Variants in PPIL1 observed in about 807,000 individuals in gnomAD.
PPIL1 encodes the protein peptidylprolyl isomerase like 1.
Under a neutral mutation model 19.4 loss-of-function variants are expected in PPIL1, and 14 were observed. The ratio of observed to expected loss-of-function variants is 0.72; its 90% CI spans 0.48 to 1.13. The LOEUF is 1.13. PPIL1 is among the 50% of genes most tolerant of loss of function. The pLI, the probability that PPIL1 is intolerant of heterozygous loss-of-function variation, is 0.00. For missense variants in PPIL1, 192 were observed against 218.0 expected (o/e 0.88, Z 0.75); for synonymous variants, 72 against 73.6 (o/e 0.98, Z 0.11).
chr6:36,859,424 CAAAAAAA>C (rs36097489), intron 2 of PPIL1, among the ~76,000 whole-genome samples: 2 of 73,206 alleles, frequency 2.7e-5, no homozygotes, highest in African/African-American at 5.7e-5. Context: ...GACCCTGTCT[CAAAAAAA>C]AAAAAAAAAA....
intron 2 of PPIL1, among the ~76,000 whole-genome samples, chr6:36,861,078 G>A (rs765408518): frequency 6.6e-6 from 1 of 151,732 alleles, no homozygotes; most frequent in Admixed American, 6.6e-5. Flanking sequence ...TACTGTCTCC[G>A]AAATCCAAGT....
intron 2 of PPIL1, among the ~76,000 whole-genome samples, chr6:36,870,744 C>T (rs1774492218): frequency 6.6e-6 from 1 of 152,086 alleles, no homozygotes; most frequent in African/African-American, 2.4e-5. Context: ...CCTCAGCCTC[C>T]CGACTAAGAA....
chr6:36,862,835 T>C (rs1261303478), intron 2 of PPIL1, among the ~76,000 whole-genome samples: 1 of 152,232 alleles, frequency 6.6e-6, no homozygotes, highest in Non-Finnish European at 1.5e-5. Flanking sequence ...ACTTTGTTAA[T>C]ATACCAGACG....
In PPIL1 at chr6:36,865,746, C is replaced by G. The variant is rs115217214; in HGVS notation, c.211+5972G>C. ...CATACATTTGCATATTTATATTATCCCATTCTAGTTGTTTCTTATAATGAA... is the reference window on the plus strand; with the variant it reads ...CATACATTTGCATATTTATATTATCGCATTCTAGTTGTTTCTTATAATGAA... On this transcript the variant is annotated intron_variant, in intron 2 of 3. Coordinates refer to ENST00000373699, the MANE Select transcript of PPIL1 (RefSeq NM_016059.5). Among the ~76,000 whole-genome samples the G allele has an allele frequency of 4.2e-3, 632 of 152,220 alleles. 7 individuals carry two copies. Among genetic ancestry groups the G allele is most frequent in the African/African-American group, 0.014 (599 of 41,518 alleles).
At chr6:36,862,624 A>C (rs1397174180) in intron 2 of PPIL1, among the ~76,000 whole-genome samples, 1 of 152,202 alleles carries the variant, frequency 6.6e-6, no homozygotes, top group Non-Finnish European at 1.5e-5. Context: ...TAAGACTAAC[A>C]AGTTCAAGAC....
chr6:36,871,582 T>C, intron 2 of PPIL1, 136 bp downstream of exon 2: 1 of 1,084,590 alleles, frequency 9.2e-7, no homozygotes, highest in East Asian at 2.7e-5. Flanking sequence ...CAGACCTTAG[T>C]AAGTGGAAAA....
intron 2 of PPIL1, among the ~76,000 whole-genome samples, chr6:36,862,840 C>G (rs546741598): frequency 5.9e-4 from 90 of 152,298 alleles, no homozygotes; most frequent in African/African-American, 2.1e-3. Context: ...GTTAATATAC[C>G]AGACGGGAAC....
chr6:36,856,324 T>C (rs896849850), intron 3 of PPIL1, among the ~76,000 whole-genome samples: 1 of 152,256 alleles, frequency 6.6e-6, no homozygotes, highest in Non-Finnish European at 1.5e-5. Context: ...CAAGGTTTCC[T>C]GTTTCTTTGA....
Position 36,871,810 on chromosome 6 carries a change from G to A in PPIL1, c.119C>T (p.Ala40Val). Residue 40 changes from alanine (A) to valine (V), a missense_variant, in exon 2 of 4, where the codon GCT (alanine) becomes GTT (valine). Transcript: ENST00000373699. ...KHAPKTCKNF[A>V]ELARRGYYNG... ...GTAGTAACCTCGACGAGCCAACTCA[G>A]CAAAGTTCTTACAGGTCTTTGGAGC... The A allele has an allele frequency of 6.2e-7, 1 of 1,611,880 alleles. No individual in the cohort carries two copies. The highest frequency in any genetic ancestry group is 8.5e-7 in the Non-Finnish European group (1 of 1,179,120).
At chr6:36,867,771 CAGCATGAGCTG>C (rs1398320249) in intron 2 of PPIL1, among the ~76,000 whole-genome samples, 1 of 152,234 alleles carries the variant, frequency 6.6e-6, no homozygotes, top group African/African-American at 2.4e-5. Flanking sequence ...GGGGCTCGCT[CAGCATGAGCTG>C]AGCTCCAGTT....
At chr6:36,865,306 T>C (rs976012950) in intron 2 of PPIL1, among the ~76,000 whole-genome samples, 4 of 152,224 alleles carry the variant, frequency 2.6e-5, no homozygotes, top group Non-Finnish European at 5.9e-5. Flanking sequence ...CCCTGAGTCA[T>C]GCTCAATCAA....
Position 36,862,847 on chromosome 6 carries a change from G to A in PPIL1, c.212-6193C>T, listed in dbSNP as rs528919994. On this transcript the variant is annotated intron_variant, in intron 2 of 3. Coordinates refer to ENST00000373699, the MANE Select transcript of PPIL1 (RefSeq NM_016059.5). ...AACACTTTGTTAATATACCAGACGG[G>A]AACAATGCCACAGTCCTCCAAGGGG... is the stretch of plus-strand genomic sequence containing the variant. 6.6e-5 allele frequency among the ~76,000 whole-genome samples: 10 copies of A among 152,312 alleles called. No individual in the cohort carries two copies. In the East Asian group the frequency reaches 1.9e-3, roughly 29 times the overall value.
intron 2 of PPIL1, among the ~76,000 whole-genome samples, chr6:36,864,314 C>A (rs969119853): frequency 2.0e-5 from 3 of 152,168 alleles, no homozygotes; most frequent in East Asian, 1.9e-4. Context: ...CAACACCCCC[C>A]ACGATTGGGC....
intron 1 of PPIL1, among the ~76,000 whole-genome samples, chr6:36,873,653 G>A: frequency 6.6e-6 from 1 of 152,200 alleles, no homozygotes; most frequent in South Asian, 2.1e-4. Context: ...ACAGGTTGGA[G>A]CCTGAAGATG....
At chr6:36,856,148 C>G in intron 3 of PPIL1, 115 bp from the exon 4 acceptor site, 4 of 1,097,836 alleles carry the variant, frequency 3.6e-6, no homozygotes, top group Non-Finnish European at 3.9e-6. Context: ...TGGCCTCTGT[C>G]CAGACCCAGA....
chr6:36,866,515 A>C (rs571192410), intron 2 of PPIL1, among the ~76,000 whole-genome samples: 1 of 152,112 alleles, frequency 6.6e-6, no homozygotes, highest in African/African-American at 2.4e-5. Flanking sequence ...TCAGTCATTC[A>C]TTATACTTGA....
At chr6:36,864,642 TCA>T (rs1443760760) in intron 2 of PPIL1, among the ~76,000 whole-genome samples, 1 of 152,174 alleles carries the variant, frequency 6.6e-6, no homozygotes, top group Admixed American at 6.5e-5. Context: ...ATTTGGGTTG[TCA>T]CACTGAGTGG....
intron 2 of PPIL1, among the ~76,000 whole-genome samples, chr6:36,861,577 A>C (rs746502299): frequency 3.6e-4 from 55 of 152,168 alleles, no homozygotes; most frequent in Non-Finnish European, 6.9e-4. Context: ...AATGTTTTGC[A>C]AATACCTTCT....
chr6:36,860,782 G>C (rs1430551791), intron 2 of PPIL1, among the ~76,000 whole-genome samples: 2 of 130,968 alleles, frequency 1.5e-5, no homozygotes, highest in African/African-American at 6.1e-5. Context: ...AAAAAAAAAA[G>C]TATTGCTGTT....
Sources: gnomAD v4.1 joint callset for allele counts (sites outside exome capture counted in the v4.1 genomes callset) on GRCh38, gnomAD v4.1.1 for gene constraint, MANE v1.5 for transcripts, NCBI Gene and HGNC (gene_info 2026-07-23, HGNC 2026-07-21) for gene names.